Variants in SACS observed in about 807,000 individuals in gnomAD.
The protein encoded by SACS is sacsin molecular chaperone.
In SACS, 197 loss-of-function variants were observed where a neutral mutation model predicts 348.0. The ratio of observed to expected loss-of-function variants is 0.57; its 90% CI spans 0.50 to 0.64. SACS has a LOEUF of 0.64. Among genes scored for constraint, SACS ranks in the 30% least tolerant of loss-of-function variants. SACS has a pLI of 0.00. For synonymous variants in SACS, 1,985 were observed against 1,910.6 expected, an observed-to-expected ratio of 1.04 and a Z score of -1.02; for missense variants, 4,999 against 5,360.8, an observed-to-expected ratio of 0.93 and a Z score of 2.11.
chr13:23,413,459 G>C (rs959766278), intron 1 of SACS, among the ~76,000 whole-genome samples: 1 of 152,176 alleles, frequency 6.6e-6, no homozygotes, highest in Admixed American at 6.5e-5. Context: ...GCACAGGAAG[G>C]TCAGTTACTT....
chr13:23,404,919 C>G (rs1237963965), intron 2 of SACS, among the ~76,000 whole-genome samples: 3 of 152,098 alleles, frequency 2.0e-5, no homozygotes, highest in Non-Finnish European at 4.4e-5. Context: ...AGGACACAAA[C>G]AAATGAAAAA....
At chr13:23,388,166 A>G (rs1872372835) in intron 2 of SACS, among the ~76,000 whole-genome samples, 1 of 151,962 alleles carries the variant, frequency 6.6e-6, no homozygotes, top group Non-Finnish European at 1.5e-5. Flanking sequence ...TCACAGCACA[A>G]TTCACAATTG....
chr13:23,400,571 C>T (rs1330312257), intron 2 of SACS, among the ~76,000 whole-genome samples: 2 of 152,192 alleles, frequency 1.3e-5, no homozygotes, highest in African/African-American at 4.8e-5. Context: ...CAGGTGCCCG[C>T]CACCACACCC....
At position 23,360,666 on chromosome 13, in the gene SACS, A is replaced by G. The variant is rs76064805; in HGVS notation, c.458-2185T>C. Among the ~76,000 whole-genome samples, 1,107 of 152,260 alleles carry G rather than the reference A, an allele frequency of 7.3e-3. 13 individuals carry two copies. Among genetic ancestry groups the G allele is most frequent in the African/African-American group, 0.025 (1,053 of 41,526 alleles). Reference sequence around the variant, plus strand: ...TATAGGAAGCATTTGTTAAATTCCAAAATCATAGCCCTTCTCTTAAAAAAT... The same window carrying G: ...TATAGGAAGCATTTGTTAAATTCCAGAATCATAGCCCTTCTCTTAAAAAAT... On this transcript the variant is annotated intron_variant, in intron 6 of 9. Transcript: ENST00000382292.
At chr13:23,346,434 G>A (rs573714519) in intron 9 of SACS, among the ~76,000 whole-genome samples, 7 of 152,254 alleles carry the variant, frequency 4.6e-5, no homozygotes, top group Admixed American at 2.0e-4. Context: ...GTGAGCCACC[G>A]AGCCTGGCCC....
chr13:23,355,900 T>C lies in SACS; in HGVS notation c.712A>G (p.Lys238Glu), dbSNP rs764585158. Residue 238 changes from lysine (K) to glutamate (E), a missense_variant, in exon 8 of 10, where the codon AAA (lysine) becomes GAA (glutamate). Coordinates refer to ENST00000382292, the MANE Select transcript of SACS (RefSeq NM_014363.6). ...GQCWNLKDDS[K>E]EISELSDQFA... ...TGGTCTGAAAGTTCACTAATTTCTT[T>C]GCTGTCATCTTTGAGATTCCAACAT... 6.2e-7 allele frequency: 1 copy of C among 1,614,208 alleles called. No individual in the cohort carries two copies.
At position 23,355,225 on chromosome 13, in the gene SACS, G is replaced by A; in HGVS notation, c.1387C>T (p.His463Tyr). 1.2e-6 allele frequency: 2 copies of A among 1,614,196 alleles called. No homozygotes were observed. The highest frequency in any genetic ancestry group is 1.1e-5 in the South Asian group (1 of 91,088). ...GTAAGGCCAAAGAACCCACTGATGT[G>A]AACTGGGAGGCCTGTGCTGCTTTCC... ...GEESSTGLPVHISGFFGLTDN... is the reference protein window; with the variant it reads ...GEESSTGLPVYISGFFGLTDN... The change falls in exon 8 of 10, where the codon CAC becomes TAC. Residue 463 changes from histidine (H) to tyrosine (Y), a missense_variant. His to Tyr is a moderately conservative substitution (Grantham distance 83, BLOSUM62 2). Coordinates refer to ENST00000382292, the MANE Select transcript of SACS (RefSeq NM_014363.6).
intron 7 of SACS, 89 bp from the exon 8 acceptor site, chr13:23,356,096 G>C: frequency 9.1e-7 from 1 of 1,102,708 alleles, no homozygotes; most frequent in African/African-American, 1.6e-5. Context: ...AAAAGCATGA[G>C]CCATTAAATG....
chr13:23,364,113 G>A (rs1193793373), intron 6 of SACS, among the ~76,000 whole-genome samples: 1 of 152,198 alleles, frequency 6.6e-6, no homozygotes, highest in Non-Finnish European at 1.5e-5. Context: ...CAACTTTCAA[G>A]TGACAAATGT....
chr13:23,383,214 A>C lies in SACS; in HGVS notation c.21-7945T>G, dbSNP rs143470547. 8.9e-3 allele frequency among the ~76,000 whole-genome samples: 1,352 copies of C among 152,230 alleles called. 27 individuals carry two copies. Among genetic ancestry groups the C allele is most frequent in the African/African-American group, 0.031 (1,294 of 41,526 alleles). ...CAGAAAACCCTCCACTGACACATCCAATCAGCCACCATGTCGAAGTGTTTG... is the reference window on the plus strand; with the variant it reads ...CAGAAAACCCTCCACTGACACATCCCATCAGCCACCATGTCGAAGTGTTTG... On this transcript the variant is annotated intron_variant, in intron 2 of 9. Transcript: ENST00000382292.
chr13:23,405,951 T>C (rs1206577007), intron 2 of SACS, among the ~76,000 whole-genome samples: 3 of 152,158 alleles, frequency 2.0e-5, no homozygotes, highest in Non-Finnish European at 4.4e-5. Flanking sequence ...GAGTGTAAAT[T>C]AGTTCAACCA....
chr13:23,392,792 T>C (rs1174097110), intron 2 of SACS, among the ~76,000 whole-genome samples: 2 of 152,072 alleles, frequency 1.3e-5, no homozygotes, highest in African/African-American at 4.8e-5. Flanking sequence ...CAGAGGTATC[T>C]AAGAAAAAGA....
rs117490288 is a variant in SACS, at chr13:23,344,268, C to T, written c.2186-2578G>A. Among the ~76,000 whole-genome samples the T allele has an allele frequency of 5.1e-3, 771 of 152,240 alleles. 5 individuals carry two copies. The highest frequency in any genetic ancestry group is 0.037 in the Middle Eastern group (11 of 294). On this transcript the variant is annotated intron_variant, in intron 9 of 9. Coordinates refer to ENST00000382292, the MANE Select transcript of SACS (RefSeq NM_014363.6). The stretch of plus-strand genomic sequence containing the variant: ...TTGTGCTCTATGTTAATAATTGCCA[C>T]GACATGCATTCCATAGATAATCTTA...
chr13:23,335,065 A>C lies in SACS; in HGVS notation c.8811T>G (p.Ser2937=). The C allele has an allele frequency of 6.2e-7, 1 of 1,613,402 alleles. No homozygotes were observed. Among genetic ancestry groups the C allele is most frequent in the Non-Finnish European group, 8.5e-7 (1 of 1,179,480 alleles). ...IQLKKRYFPG[S]DPTLSVLQNT... is the part of the protein sequence containing the mutation. The stretch of plus-strand genomic sequence containing the variant: ...TCTGTAACACTGATAATGTTGGATC[A>C]GAACCAGGGAAATACCGTTTTTTTA... The change falls in exon 10 of 10, where the codon TCT becomes TCG. Residue 2937 remains serine (S), a synonymous_variant. Transcript: ENST00000382292. The surrounding 1 kb of genome is among the most constrained non-coding windows in gnomAD (Gnocchi z 4.7).
At chr13:23,360,303 C>T (rs1330875588) in intron 6 of SACS, among the ~76,000 whole-genome samples, 2 of 151,200 alleles carry the variant, frequency 1.3e-5, no homozygotes, top group Non-Finnish European at 1.5e-5. Context: ...AATTAAATAT[C>T]TTGTTCCTAC....
intron 1 of SACS, chr13:23,418,958 T>A (rs1426292235): frequency 6.6e-6 from 1 of 152,314 alleles, no homozygotes. Context: ...GCACACGTGG[T>A]GCGGAAGGCG....
intron 6 of SACS, among the ~76,000 whole-genome samples, chr13:23,363,843 G>T (rs767066904): frequency 1.1e-4 from 16 of 152,216 alleles, no homozygotes; most frequent in Non-Finnish European, 1.9e-4. Flanking sequence ...GCCACTGAGT[G>T]TAACAGTGCC....
chr13:23,369,221 G>C (rs1871239322), intron 4 of SACS, among the ~76,000 whole-genome samples: 1 of 152,096 alleles, frequency 6.6e-6, no homozygotes, highest in Non-Finnish European at 1.5e-5. Flanking sequence ...AATTCAACCA[G>C]TGTTCTGATT....
chr13:23,432,515 G>T (rs910517273), intron 1 of SACS, among the ~76,000 whole-genome samples: 2 of 152,210 alleles, frequency 1.3e-5, no homozygotes, highest in Non-Finnish European at 2.9e-5. Flanking sequence ...CAAGATTAGG[G>T]AAGGCAGTCT....
Sources: allele counts gnomAD v4.1 joint callset (sites outside exome capture counted in the v4.1 genomes callset), GRCh38; gene constraint gnomAD v4.1.1; non-coding constraint Gnocchi (gnomAD v3.1); transcripts MANE v1.5; gene names NCBI Gene and HGNC (gene_info 2026-07-23, HGNC 2026-07-21).